Variants in YWHAQ observed in about 807,000 individuals in gnomAD.
The protein encoded by YWHAQ is 14-3-3 protein theta.
In YWHAQ, 6 loss-of-function variants were observed where a neutral mutation model predicts 28.3. The ratio of observed to expected loss-of-function variants is 0.21; its 90% CI spans 0.12 to 0.42. The LOEUF is 0.42. Ranked by LOEUF, YWHAQ falls within the 10% of genes least tolerant of loss-of-function variation. YWHAQ has a pLI of 1.00. For synonymous variants in YWHAQ, 143 were observed against 119.1 expected (o/e 1.20, Z -1.31); for missense variants, 201 against 305.6 (o/e 0.66, Z 2.55).
At chr2:9,590,907 A>G (rs16867064) in intron 3 of YWHAQ, among the ~76,000 whole-genome samples, 3,188 of 152,296 alleles carry the variant, frequency 0.021, 76 homozygotes, top group African/African-American at 0.066. Flanking sequence ...AAATCTGATT[A>G]TATGTAATTA....
At chr2:9,627,306 T>C (rs1187254135) in intron 2 of YWHAQ, among the ~76,000 whole-genome samples, 1 of 152,246 alleles carries the variant, frequency 6.6e-6, no homozygotes, top group African/African-American at 2.4e-5. Flanking sequence ...ACTAGTCTTC[T>C]ATAATTACCA....
Position 9,606,932 on chromosome 2 carries a change from T to A in YWHAQ, c.295-15417A>T, listed in dbSNP as rs1293895181. ...CAGAGTCTCACTCTGTCGCCCAGGC[T>A]GCAGTGCAGTAGCATAATCTTGGCT... On this transcript the variant is annotated intron_variant, in intron 2 of 5. Coordinates refer to ENST00000238081, the MANE Select transcript of YWHAQ (RefSeq NM_006826.4). Among the ~76,000 whole-genome samples, 5 of 151,810 alleles carry A rather than the reference T, an allele frequency of 3.3e-5. No individual in the cohort carries two copies. The East Asian group carries it at 9.7e-4, about 29-fold the overall frequency.
At chr2:9,588,940 C>T (rs1666401256) in intron 3 of YWHAQ, among the ~76,000 whole-genome samples, 2 of 151,954 alleles carry the variant, frequency 1.3e-5, no homozygotes, top group South Asian at 4.2e-4. Flanking sequence ...GAGATCTTAT[C>T]CCTGTCTCTA....
chr2:9,596,489 G>C (rs138958664), intron 2 of YWHAQ, among the ~76,000 whole-genome samples: 1 of 152,016 alleles, frequency 6.6e-6, no homozygotes, highest in Non-Finnish European at 1.5e-5. Flanking sequence ...TAAAATACAC[G>C]CAAAATAACA....
chr2:9,626,025 C>A (rs1667242077), intron 2 of YWHAQ, among the ~76,000 whole-genome samples: 1 of 152,112 alleles, frequency 6.6e-6, no homozygotes, highest in African/African-American at 2.4e-5. Context: ...TAAATTTAAA[C>A]ACAACTAAAT....
rs1458532792 is a variant in YWHAQ, at chr2:9,630,469, G to C, written c.-17C>G. 2 of 1,577,342 alleles carry C rather than the reference G, an allele frequency of 1.3e-6. No homozygotes were observed. Among genetic ancestry groups the C allele is most frequent in the African/African-American group, 2.7e-5 (2 of 74,506 alleles). On this transcript the variant is annotated 5_prime_UTR_variant, in exon 2 of 6. Transcript: ENST00000238081. This position sits in a 1 kb window ranked among gnomAD's most constrained non-coding sequence, Gnocchi z 5.6. Reference sequence around the variant, plus strand: ...CTTCTCCATGGCGGGCGCGGGGCCGGGGCCGGGGCGGAGGGCGAGGAGAGC... The same window carrying C: ...CTTCTCCATGGCGGGCGCGGGGCCGCGGCCGGGGCGGAGGGCGAGGAGAGC...
At chr2:9,613,055 C>T (rs1666981219) in intron 2 of YWHAQ, among the ~76,000 whole-genome samples, 1 of 152,184 alleles carries the variant, frequency 6.6e-6, no homozygotes, top group Non-Finnish European at 1.5e-5. Context: ...GAGGGAGGGA[C>T]AAACCCTCAA....
At chr2:9,611,572 C>T (rs769509698) in intron 2 of YWHAQ, among the ~76,000 whole-genome samples, 1 of 152,140 alleles carries the variant, frequency 6.6e-6, no homozygotes, top group Non-Finnish European at 1.5e-5. Flanking sequence ...GGGAAATACC[C>T]CCCAACACAT....
intron 2 of YWHAQ, 125 bp from the exon 3 acceptor site, chr2:9,591,640 C>G: frequency 8.3e-7 from 1 of 1,209,130 alleles, no homozygotes; most frequent in Non-Finnish European, 1.1e-6. Context: ...CTATACCATA[C>G]CAGCCTGGAC....
intron 2 of YWHAQ, among the ~76,000 whole-genome samples, chr2:9,629,161 A>G (rs745407400): frequency 5.3e-5 from 8 of 152,134 alleles, no homozygotes; most frequent in Non-Finnish European, 8.8e-5. Context: ...CCCACCTAAA[A>G]TATGATGTGC....
chr2:9,593,541 C>G (rs1666500960), intron 2 of YWHAQ, among the ~76,000 whole-genome samples: 1 of 151,980 alleles, frequency 6.6e-6, no homozygotes, highest in African/African-American at 2.4e-5. Context: ...TAAACAGAGG[C>G]TGCGTACAAC....
intron 2 of YWHAQ, among the ~76,000 whole-genome samples, chr2:9,604,144 G>A (rs762368004): frequency 6.6e-6 from 1 of 152,110 alleles, no homozygotes; most frequent in African/African-American, 2.4e-5. Context: ...AACACTGAGA[G>A]AACGGGTATA....
chr2:9,630,661 C>A lies in YWHAQ; in HGVS notation c.-82-127G>T. The A allele has an allele frequency of 2.3e-6, 1 of 440,142 alleles. No individual in the cohort carries two copies. Among genetic ancestry groups the A allele is most frequent in the Non-Finnish European group, 3.9e-6 (1 of 255,848 alleles). The allele number at this position is 440,142 out of a possible 1,614,324, so 27.3% of individuals were successfully genotyped here. ...GCTTGAATTTCCCTCTCCCCCGCCCCCTCCCCCGCTGGGCACCCGGGGAGG... is the reference window on the plus strand; with the variant it reads ...GCTTGAATTTCCCTCTCCCCCGCCCACTCCCCCGCTGGGCACCCGGGGAGG... On this transcript the variant is annotated intron_variant, in intron 1 of 5. Coordinates refer to ENST00000238081, the MANE Select transcript of YWHAQ (RefSeq NM_006826.4). This position sits in a 1 kb window ranked among gnomAD's most constrained non-coding sequence, Gnocchi z 5.6.
intron 2 of YWHAQ, among the ~76,000 whole-genome samples, chr2:9,624,683 G>C (rs913747079): frequency 2.0e-5 from 3 of 151,992 alleles, no homozygotes; most frequent in African/African-American, 7.3e-5. Flanking sequence ...GGGGCAGTGG[G>C]GAGTGGGTAA....
intron 2 of YWHAQ, among the ~76,000 whole-genome samples, chr2:9,593,903 A>AT (rs1553372573): frequency 3.4e-4 from 37 of 108,572 alleles, no homozygotes; most frequent in African/African-American, 1.6e-3. Flanking sequence ...TAGATTAAAA[A>AT]AAATATATAT....
At chr2:9,615,896 C>T (rs1667030814) in intron 2 of YWHAQ, among the ~76,000 whole-genome samples, 3 of 152,122 alleles carry the variant, frequency 2.0e-5, no homozygotes. Context: ...GCCTCAATTT[C>T]CTTACAATTT....
At chr2:9,586,220 C>A (rs1666341481) in intron 5 of YWHAQ, among the ~76,000 whole-genome samples, 1 of 152,156 alleles carries the variant, frequency 6.6e-6, no homozygotes, top group Admixed American at 6.5e-5. Flanking sequence ...AGACAGGGTT[C>A]TTGAATTAGA....
At chr2:9,594,817 G>C (rs1350582516) in intron 2 of YWHAQ, among the ~76,000 whole-genome samples, 1 of 152,170 alleles carries the variant, frequency 6.6e-6, no homozygotes, top group Non-Finnish European at 1.5e-5. Context: ...GTGAGGAGTA[G>C]GGAAGAGAGA....
At chr2:9,589,466 C>G (rs1440193854) in intron 3 of YWHAQ, among the ~76,000 whole-genome samples, 1 of 151,846 alleles carries the variant, frequency 6.6e-6, no homozygotes, top group Non-Finnish European at 1.5e-5. Context: ...TGCCTGTAAT[C>G]CCAGCTACTT....
Sources: allele counts gnomAD v4.1 joint callset (sites outside exome capture counted in the v4.1 genomes callset), GRCh38; gene constraint gnomAD v4.1.1; non-coding constraint Gnocchi (gnomAD v3.1); transcripts MANE v1.5; gene names NCBI Gene and HGNC (gene_info 2026-07-23, HGNC 2026-07-21).